Variants in BEST2 observed in about 807,000 individuals in gnomAD.
The protein encoded by BEST2 is bestrophin 2, also known as bestrophin-2a.
Under a neutral mutation model 49.0 loss-of-function variants are expected in BEST2, and 36 were observed. The observed-to-expected ratio is 0.73, with a 90% CI of 0.56 to 0.97. The LOEUF is 0.97. Among genes scored for constraint, BEST2 ranks in the 50% least tolerant of loss-of-function variants. The pLI is 0.00. For synonymous variants in BEST2, 335 were observed against 304.4 expected (o/e 1.10, Z -1.05); for missense variants, 672 against 710.0 (o/e 0.95, Z 0.61).
At chr19:12,753,654 G>A (rs1466116752) in intron 3 of BEST2, among the ~76,000 whole-genome samples, 2 of 151,990 alleles carry the variant, frequency 1.3e-5, no homozygotes, top group Non-Finnish European at 2.9e-5. Flanking sequence ...TGTCTGTTGT[G>A]TTATTAGGGG....
chr19:12,753,249 C>T lies in BEST2; in HGVS notation c.153-11C>T. Reference sequence around the variant, plus strand: ...CCTTGTGACCTGTGACCCCTCATCTCTATCCCGCAGCTTTGTGCTGACCGA... The same window carrying T: ...CCTTGTGACCTGTGACCCCTCATCTTTATCCCGCAGCTTTGTGCTGACCGA... On this transcript the variant is annotated splice_polypyrimidine_tract_variant and intron_variant, in intron 2 of 9. Transcript: ENST00000553030. 6.2e-7 allele frequency: 1 copy of T among 1,613,986 alleles called. No individual in the cohort carries two copies. The highest frequency in any genetic ancestry group is 8.5e-7 in the Non-Finnish European group (1 of 1,179,818).
chr19:12,754,814 G>A (rs750088621), intron 4 of BEST2, 29 bp downstream of exon 4: 2 of 1,580,916 alleles, frequency 1.3e-6, no homozygotes, highest in South Asian at 1.1e-5. Context: ...GCAGGGCAGA[G>A]ACCGGGCAAG....
In BEST2 at chr19:12,757,980, T is replaced by A. The variant is rs756094205; in HGVS notation, c.1433T>A (p.Val478Asp). Reference sequence around the variant, plus strand: ...CCGCTTACCCTCATCCCTGGGCCTGTCGAGCCCTTCAGCATCGTGACCATG... The same window carrying A: ...CCGCTTACCCTCATCCCTGGGCCTGACGAGCCCTTCAGCATCGTGACCATG... Reference protein sequence around the residue: ...PEPLTLIPGPVEPFSIVTMPG... With the variant: ...PEPLTLIPGPDEPFSIVTMPG... Residue 478 changes from valine (V) to aspartate (D), a missense_variant, in exon 10 of 10, where the codon GTC becomes GAC. By Grantham distance (152) the Val-to-Asp change is radical. Around this residue, in one of 3 missense-constraint regions of BEST2, gnomAD observed 291 missense variants for 279.8 expected, o/e 1.04. Transcript: ENST00000553030. 1 of 1,611,238 alleles carries A rather than the reference T, an allele frequency of 6.2e-7. No individual in the cohort carries two copies. The highest frequency in any genetic ancestry group is 1.1e-5 in the South Asian group (1 of 90,726).
rs1328510089 is a variant in BEST2 at position 12,753,431 on chromosome 19, C to T, written c.247+77C>T. The T allele has an allele frequency of 2.0e-5, 28 of 1,376,884 alleles. No homozygotes were observed. In the East Asian group the frequency reaches 2.8e-4, roughly 14 times the overall value. 85.3% of individuals were successfully genotyped at this position (1,376,884 alleles called of 1,614,324 possible). Reference sequence around the variant, plus strand: ...CCATTCATGCCTTTTGAGGAGCCCCCATTCCTGCCCCTCTGAGATCCCCCC... The same window carrying T: ...CCATTCATGCCTTTTGAGGAGCCCCTATTCCTGCCCCTCTGAGATCCCCCC... On this transcript the variant is annotated intron_variant, in intron 3 of 9. Coordinates refer to ENST00000553030, the MANE Select transcript of BEST2 (RefSeq NM_017682.3).
chr19:12,758,115 G>A lies in BEST2; in HGVS notation c.*38G>A. ...CAGCCCCCTAAGGACAGGGAACCAGGTCCCTGCACGGCACCCACGCAGGTG... is the reference window on the plus strand; with the variant it reads ...CAGCCCCCTAAGGACAGGGAACCAGATCCCTGCACGGCACCCACGCAGGTG... On this transcript the variant is annotated 3_prime_UTR_variant, in exon 10 of 10. Transcript: ENST00000553030. 1 of 1,598,672 alleles carries A rather than the reference G, an allele frequency of 6.3e-7. No homozygotes were observed. Among genetic ancestry groups the A allele is most frequent in the Non-Finnish European group, 8.5e-7 (1 of 1,173,486 alleles).
intron 3 of BEST2, 84 bp from the exon 4 acceptor site, chr19:12,754,468 C>T (rs966305222): frequency 2.5e-5 from 29 of 1,175,964 alleles, no homozygotes; most frequent in Non-Finnish European, 2.9e-5. Context: ...GCAGACCTTA[C>T]GTTGCCCCCT....
chr19:12,753,457 C>T (rs536256280), intron 3 of BEST2, 103 bp downstream of exon 3: 3 of 1,126,652 alleles, frequency 2.7e-6, no homozygotes, highest in African/African-American at 3.1e-5. Flanking sequence ...AGATCCCCCC[C>T]CTCAAATCCA....
At position 12,752,743 on chromosome 19, in the gene BEST2, C is replaced by G; in HGVS notation, c.151C>G (p.Arg51Gly). The change falls in exon 2 of 10, where the codon CGC (arginine) becomes GGC (glycine). Residue 51 changes from arginine to glycine, a missense_variant and splice_region_variant. Physicochemically the swap from Arg to Gly is moderately radical, Grantham distance 125. Around this residue, in one of 3 missense-constraint regions of BEST2, gnomAD observed 365 missense variants for 390.9 expected, o/e 0.93. Transcript: ENST00000553030. ...CTACATGGCGCTGAGTGCTGCCTACCGGTGAGGCTGCCCTGAGGTGCTCAT... is the reference window on the plus strand; with the variant it reads ...CTACATGGCGCTGAGTGCTGCCTACGGGTGAGGCTGCCCTGAGGTGCTCAT... ...GFYMALSAAY[R>G]FVLTEGQKRY... is the part of the protein sequence containing the mutation. The G allele has an allele frequency of 6.2e-7, 1 of 1,610,440 alleles. No homozygotes were observed. The highest frequency in any genetic ancestry group is 1.1e-5 in the South Asian group (1 of 90,908).
rs537434146 is a variant in BEST2 at position 12,757,065 on chromosome 19, C to T, written c.1104-586C>T. Among the ~76,000 whole-genome samples the T allele has an allele frequency of 1.7e-3, 262 of 151,942 alleles. 2 individuals are homozygous for T. The highest frequency in any genetic ancestry group is 2.8e-3 in the Non-Finnish European group (188 of 67,940). ...GGCTGAGGCAGGAGAATCACTTGAA[C>T]CTGGGAGGCAGAGGTTGCAGTGAGC... On this transcript the variant is annotated intron_variant, in intron 9 of 9. Transcript: ENST00000553030.
chr19:12,756,010 C>T, intron 8 of BEST2, 75 bp downstream of exon 8: 1 of 1,589,820 alleles, frequency 6.3e-7, no homozygotes, highest in Non-Finnish European at 8.6e-7. Flanking sequence ...TGGTCCCACC[C>T]CTGCCAAGTC....
intron 9 of BEST2, chr19:12,756,671 AC>A (rs1359503915): frequency 1.8e-5 from 4 of 218,956 alleles, no homozygotes; most frequent in Non-Finnish European, 2.8e-5. Context: ...ACATAGTGAG[AC>A]CCCCGTCTCT....
chr19:12,756,870 G>A (rs1031428550), intron 9 of BEST2, among the ~76,000 whole-genome samples: 8 of 151,632 alleles, frequency 5.3e-5, no homozygotes, highest in African/African-American at 1.7e-4. Flanking sequence ...AAGGCCAGGC[G>A]CAGTGGCTTA....
chr19:12,757,882 G>C lies in BEST2; in HGVS notation c.1335G>C (p.Glu445Asp). The C allele has an allele frequency of 6.4e-7, 1 of 1,550,464 alleles. No homozygotes were observed. Among genetic ancestry groups the C allele is most frequent in the Non-Finnish European group, 8.7e-7 (1 of 1,148,026 alleles). The change falls in exon 10 of 10, where the codon GAG (glutamate) becomes GAC (aspartate). Residue 445 changes from glutamate (E) to aspartate (D), a missense_variant. Transcript: ENST00000553030. ...CAVVPEGAAP[E>D]CSCGDPLLDP... Reference sequence around the variant, plus strand: ...TTGTCCCCGAAGGCGCGGCCCCGGAGTGCAGCTGCGGGGACCCGCTGCTCG... The same window carrying C: ...TTGTCCCCGAAGGCGCGGCCCCGGACTGCAGCTGCGGGGACCCGCTGCTCG...
At chr19:12,756,316 G>T in intron 9 of BEST2, 21 bp downstream of exon 9, 1 of 1,610,368 alleles carries the variant, frequency 6.2e-7, no homozygotes. Context: ...TGGGTGGGCA[G>T]GGCCGCCTGG....
At position 12,757,723 on chromosome 19, in the gene BEST2, C is replaced by G; in HGVS notation, c.1176C>G (p.Asp392Glu). The G allele has an allele frequency of 6.5e-7, 1 of 1,545,152 alleles. No individual in the cohort carries two copies. Among genetic ancestry groups the G allele is most frequent in the African/African-American group, 1.4e-5 (1 of 73,066 alleles). Residue 392 changes from aspartate (D) to glutamate (E), a missense_variant, in exon 10 of 10, where the codon GAC (aspartate) becomes GAG (glutamate). Asp to Glu is a conservative substitution (Grantham distance 45, BLOSUM62 2). Coordinates refer to ENST00000553030, the MANE Select transcript of BEST2 (RefSeq NM_017682.3). The part of the protein sequence containing the change: ...LDGPMGEAPG[D>E]FLQRLLPAGA... ...GACCGATGGGAGAGGCGCCCGGCGA[C>G]TTCCTGCAGCGCCTCCTGCCGGCGG...
At chr19:12,753,146 C>A (rs180970735) in intron 2 of BEST2, 114 bp from the exon 3 acceptor site, 5 of 1,086,364 alleles carry the variant, frequency 4.6e-6, no homozygotes, top group Non-Finnish European at 6.8e-6. Flanking sequence ...CCATAGCACC[C>A]GGCTGGGGGC....
rs1453928200 is a variant in BEST2 at position 12,757,920 on chromosome 19, C to T, written c.1373C>T (p.Pro458Leu). ...CGDPLLDPGLPEPEAPPPAGP... is the reference protein window; with the variant it reads ...CGDPLLDPGLLEPEAPPPAGP... ...GACCCGCTGCTCGACCCCGGCCTGC[C>T]GGAGCCCGAGGCCCCGCCCCCTGCG... Residue 458 changes from proline (P) to leucine (L), a missense_variant, in exon 10 of 10, where the codon CCG becomes CTG. Pro to Leu is a moderately conservative substitution (Grantham distance 98, BLOSUM62 -3). Coordinates refer to ENST00000553030, the MANE Select transcript of BEST2 (RefSeq NM_017682.3). The T allele has an allele frequency of 6.4e-7, 1 of 1,564,104 alleles. No individual in the cohort carries two copies. The highest frequency in any genetic ancestry group is 1.2e-5 in the South Asian group (1 of 85,564).
In BEST2 at chr19:12,754,718, C is replaced by T; in HGVS notation, c.414C>T (p.Leu138=). Residue 138 remains leucine, a synonymous_variant, in exon 4 of 10, where the codon CTC becomes CTT. Transcript: ENST00000553030. ...LMRYAGLSAV[L]ILRSVSTAVF... Reference sequence around the variant, plus strand: ...GCTACGCAGGGCTCTCGGCCGTGCTCATCCTGCGCTCCGTCAGCACCGCGG... The same window carrying T: ...GCTACGCAGGGCTCTCGGCCGTGCTTATCCTGCGCTCCGTCAGCACCGCGG... The T allele has an allele frequency of 1.9e-6, 3 of 1,592,380 alleles. No individual in the cohort carries two copies. Among genetic ancestry groups the T allele is most frequent in the Non-Finnish European group, 2.6e-6 (3 of 1,169,344 alleles).
chr19:12,754,062 CTTTTTTTTTTTTTTTT>C (rs36076549), intron 3 of BEST2, among the ~76,000 whole-genome samples: 6 of 54,456 alleles, frequency 1.1e-4, no homozygotes, highest in Middle Eastern at 0.016. Flanking sequence ...GCTGCTCTGC[CTTTTTTTTTTTTTTTT>C]TTTTTTTTTT....
Sources: gnomAD v4.1 joint callset for allele counts (sites outside exome capture counted in the v4.1 genomes callset) on GRCh38, gnomAD v4.1.1 for gene constraint, gnomAD v4.1.1 regional missense constraint, MANE v1.5 for transcripts, NCBI Gene and HGNC (gene_info 2026-07-23, HGNC 2026-07-21) for gene names.